Variants in SAMMSON observed in about 807,000 individuals in gnomAD.
SAMMSON encodes survival associated mitochondrial melanoma specific oncogenic non-coding RNA.
chr3:70,190,935 C>A (rs1302817477), intron 4 of SAMMSON, among the ~76,000 whole-genome samples: 1 of 152,170 alleles, frequency 6.6e-6, no homozygotes, highest in Non-Finnish European at 1.5e-5. Context: ...ATCCTGGCCT[C>A]TTGCCTTCAT....
intron 7 of SAMMSON, among the ~76,000 whole-genome samples, chr3:70,311,152 TTAAG>T (rs767878235): frequency 1.7e-4 from 26 of 152,306 alleles, no homozygotes; most frequent in Non-Finnish European, 2.9e-4. Flanking sequence ...TGTCAACTAC[TTAAG>T]TAAGAGCTGT....
intron 4 of SAMMSON, among the ~76,000 whole-genome samples, chr3:70,191,211 T>G (rs373269024): frequency 6.6e-6 from 1 of 152,208 alleles, no homozygotes; most frequent in Non-Finnish European, 1.5e-5. Flanking sequence ...ACAAAATAAG[T>G]TGTGGCTTTG....
intron 4 of SAMMSON, chr3:70,126,650 C>T (rs2067460168): frequency 3.1e-6 from 1 of 324,420 alleles, no homozygotes; most frequent in Non-Finnish European, 5.8e-6. Context: ...GTGGGACTCA[C>T]TGTCAAGATT....
At chr3:70,415,821 A>C (rs1232203679) in intron 2 of SAMMSON, among the ~76,000 whole-genome samples, 1 of 152,190 alleles carries the variant, frequency 6.6e-6, no homozygotes, top group African/African-American at 2.4e-5. Context: ...TCATGTTGTT[A>C]AATGTTGGAC....
chr3:70,372,352 C>T (rs1702977199), intron 9 of SAMMSON, among the ~76,000 whole-genome samples: 1 of 151,842 alleles, frequency 6.6e-6, no homozygotes, highest in Non-Finnish European at 1.5e-5. Context: ...TATTCTGTTG[C>T]CCAGGCTGAA....
At chr3:70,352,935 C>T (rs901285142) in intron 7 of SAMMSON, among the ~76,000 whole-genome samples, 11 of 151,970 alleles carry the variant, frequency 7.2e-5, no homozygotes, top group South Asian at 2.1e-4. Context: ...CAAAAATATA[C>T]GTAACTGACT....
At chr3:70,305,646 T>C (rs1005766269) in intron 7 of SAMMSON, among the ~76,000 whole-genome samples, 23 of 152,216 alleles carry the variant, frequency 1.5e-4, no homozygotes, top group Non-Finnish European at 2.9e-5. Context: ...CCACATCAAA[T>C]GGTTGCTGAG....
intron 9 of SAMMSON, among the ~76,000 whole-genome samples, chr3:70,385,105 A>G (rs1239831527): frequency 1.3e-5 from 2 of 152,134 alleles, no homozygotes; most frequent in African/African-American, 4.8e-5. Flanking sequence ...GTCTAGGCCC[A>G]TGAACTTTGA....
At chr3:70,236,762 A>G (rs1701613809) in intron 4 of SAMMSON, among the ~76,000 whole-genome samples, 2 of 152,100 alleles carry the variant, frequency 1.3e-5, no homozygotes, top group Non-Finnish European at 2.9e-5. Context: ...TGGCTGGCTA[A>G]TTAAAACTTT....
At chr3:70,122,520 A>T (rs545238692) in intron 4 of SAMMSON, among the ~76,000 whole-genome samples, 2 of 152,376 alleles carry the variant, frequency 1.3e-5, no homozygotes, top group South Asian at 4.1e-4. Flanking sequence ...ATTTTCAATT[A>T]TTAAAGAACA....
intron 4 of SAMMSON, among the ~76,000 whole-genome samples, chr3:70,119,210 G>A (rs1206391197): frequency 6.6e-6 from 1 of 152,064 alleles, no homozygotes; most frequent in African/African-American, 2.4e-5. Context: ...GGGATTACAG[G>A]CGCCCGCCAC....
At chr3:70,227,683 T>C (rs1032395503) in intron 4 of SAMMSON, among the ~76,000 whole-genome samples, 1 of 152,218 alleles carries the variant, frequency 6.6e-6, no homozygotes, top group African/African-American at 2.4e-5. Flanking sequence ...CTACAGGCTT[T>C]TGAGATGCCA....
intron 3 of SAMMSON, among the ~76,000 whole-genome samples, chr3:70,026,101 G>A (rs1456799285): frequency 1.3e-5 from 2 of 152,092 alleles, no homozygotes; most frequent in Admixed American, 6.6e-5. Flanking sequence ...TTGGAAAATC[G>A]TTTAATGACA....
chr3:70,224,167 C>T (rs930699746), intron 4 of SAMMSON, among the ~76,000 whole-genome samples: 2 of 152,072 alleles, frequency 1.3e-5, no homozygotes, highest in African/African-American at 4.8e-5. Flanking sequence ...AAACTGGATT[C>T]GTAGACTTTG....
chr3:70,133,661 C>G (rs2067492989), intron 4 of SAMMSON, among the ~76,000 whole-genome samples: 1 of 152,088 alleles, frequency 6.6e-6, no homozygotes, highest in Non-Finnish European at 1.5e-5. Flanking sequence ...GGGTCTGACA[C>G]TGTCTCCACA....
intron 3 of SAMMSON, among the ~76,000 whole-genome samples, chr3:70,056,738 C>T (rs2067169330): frequency 6.6e-6 from 1 of 151,908 alleles, no homozygotes; most frequent in African/African-American, 2.4e-5. Flanking sequence ...TTTAAATTAA[C>T]AAAAGATTCT....
chr3:70,356,269 A>T (rs1276687951), intron 8 of SAMMSON, among the ~76,000 whole-genome samples: 1 of 152,164 alleles, frequency 6.6e-6, no homozygotes, highest in Admixed American at 6.6e-5. Flanking sequence ...ATCACACGAA[A>T]TAATATAAAA....
At chr3:70,169,645 C>CTTTTTTTT (rs11384588) in intron 4 of SAMMSON, among the ~76,000 whole-genome samples, 6 of 142,782 alleles carry the variant, frequency 4.2e-5, no homozygotes, top group Non-Finnish European at 6.1e-5. Context: ...TTTCTTTTTT[C>CTTTTTTTT]TTTTTTTTTT....
chr3:70,149,865 C>T (rs143052138), intron 4 of SAMMSON, among the ~76,000 whole-genome samples: 1 of 152,042 alleles, frequency 6.6e-6, no homozygotes, highest in South Asian at 2.1e-4. Flanking sequence ...AAGTTACAAC[C>T]CCTGATCAGA....
Sources: allele counts gnomAD v4.1 joint callset (sites outside exome capture counted in the v4.1 genomes callset), GRCh38; gene constraint gnomAD v4.1.1; transcripts MANE v1.5; gene names NCBI Gene and HGNC (gene_info 2026-07-23, HGNC 2026-07-21).